Variants in NR3C2 observed in about 807,000 individuals in gnomAD.
NR3C2 encodes nuclear receptor subfamily 3 group C member 2.
NR3C2 carries 15 observed loss-of-function variants against 86.4 expected under a neutral mutation model. The ratio of observed to expected loss-of-function variants is 0.17; its 90% CI spans 0.12 to 0.27. NR3C2 has a LOEUF of 0.27. Among genes scored for constraint, NR3C2 ranks in the 10% least tolerant of loss-of-function variants. NR3C2 has a pLI of 1.00. For synonymous variants in NR3C2, 458 were observed against 450.5 expected (o/e 1.02, Z -0.21); for missense variants, 960 against 1,195.6 (o/e 0.80, Z 2.91).
intron 4 of NR3C2, among the ~76,000 whole-genome samples, chr4:148,159,541 A>G (rs1318162721): frequency 2.0e-5 from 3 of 152,206 alleles, no homozygotes; most frequent in Non-Finnish European, 4.4e-5. Context: ...TTCATTTTTC[A>G]GGTGAAAAAA....
intron 2 of NR3C2, among the ~76,000 whole-genome samples, chr4:148,386,488 G>A (rs1038552165): frequency 1.3e-5 from 2 of 152,298 alleles, no homozygotes; most frequent in South Asian, 2.1e-4. Flanking sequence ...GCTGGATTTG[G>A]AGTCAAACCG....
chr4:148,285,996 CAATT>C (rs1258936653), intron 2 of NR3C2, among the ~76,000 whole-genome samples: 1 of 152,102 alleles, frequency 6.6e-6, no homozygotes. Flanking sequence ...TTTAAAAAGA[CAATT>C]AAAAACAAAT....
At chr4:148,155,976 A>T (rs2149769317) in intron 4 of NR3C2, among the ~76,000 whole-genome samples, 1 of 152,298 alleles carries the variant, frequency 6.6e-6, no homozygotes, top group African/African-American at 2.4e-5. Context: ...CAACTATCTG[A>T]TCTTTGACAA....
At chr4:148,412,765 C>T (rs1560718807) in intron 2 of NR3C2, among the ~76,000 whole-genome samples, 1 of 152,126 alleles carries the variant, frequency 6.6e-6, no homozygotes, top group East Asian at 1.9e-4. Context: ...CCCTCTCTGA[C>T]CCAGACCACA....
At chr4:148,205,597 T>C (rs1736963602) in intron 3 of NR3C2, among the ~76,000 whole-genome samples, 1 of 152,220 alleles carries the variant, frequency 6.6e-6, no homozygotes, top group African/African-American at 2.4e-5. Flanking sequence ...GGGTGGCTAT[T>C]ACATGCCAGT....
intron 4 of NR3C2, among the ~76,000 whole-genome samples, chr4:148,155,328 T>C (rs985748438): frequency 2.6e-5 from 4 of 152,234 alleles, no homozygotes; most frequent in South Asian, 4.1e-4. Flanking sequence ...AAATTGTCCC[T>C]GTTTGCAGAC....
chr4:148,270,325 G>A (rs1340326657), intron 2 of NR3C2, among the ~76,000 whole-genome samples: 1 of 152,108 alleles, frequency 6.6e-6, no homozygotes, highest in East Asian at 1.9e-4. Context: ...CAAGAACACA[G>A]ACACTGTTCC....
At chr4:148,410,583 A>C (rs1412488916) in intron 2 of NR3C2, among the ~76,000 whole-genome samples, 1 of 152,206 alleles carries the variant, frequency 6.6e-6, no homozygotes, top group East Asian at 1.9e-4. Flanking sequence ...TACAGAAATA[A>C]AATTAAAATA....
At chr4:148,296,044 C>CAAAAAAAAAAAAAAAAAAA (rs529710200) in intron 2 of NR3C2, among the ~76,000 whole-genome samples, 2 of 73,962 alleles carry the variant, frequency 2.7e-5, no homozygotes, top group African/African-American at 5.4e-5. Context: ...GAGCTGAGGC[C>CAAAAAAAAAAAAAAAAAAA]AAAAAAAAAA....
At chr4:148,426,737 A>G (rs1749552529) in intron 2 of NR3C2, among the ~76,000 whole-genome samples, 1 of 152,152 alleles carries the variant, frequency 6.6e-6, no homozygotes, top group African/African-American at 2.4e-5. Context: ...TACTTTTAAC[A>G]GCAAAAACCA....
intron 8 of NR3C2, among the ~76,000 whole-genome samples, chr4:148,101,153 G>A (rs967570872): frequency 6.6e-6 from 1 of 152,138 alleles, no homozygotes; most frequent in African/African-American, 2.4e-5. Context: ...TACATTTTAT[G>A]CTTGTGTATT....
At chr4:148,171,490 G>T (rs1371378362) in intron 4 of NR3C2, among the ~76,000 whole-genome samples, 1 of 152,208 alleles carries the variant, frequency 6.6e-6, no homozygotes, top group Non-Finnish European at 1.5e-5. Context: ...CGATGGGGAG[G>T]ATGGTTTTGG....
chr4:148,415,491 T>G (rs150747417), intron 2 of NR3C2, among the ~76,000 whole-genome samples: 1 of 152,282 alleles, frequency 6.6e-6, no homozygotes, highest in African/African-American at 2.4e-5. Flanking sequence ...TCTCAAGTGG[T>G]TTTAATAGAT....
At chr4:148,184,350 T>G (rs1735788188) in intron 4 of NR3C2, among the ~76,000 whole-genome samples, 1 of 150,000 alleles carries the variant, frequency 6.7e-6, no homozygotes, top group Admixed American at 6.6e-5. Context: ...TCTCAGCTAC[T>G]CGGGAGGCTG....
intron 3 of NR3C2, among the ~76,000 whole-genome samples, chr4:148,256,281 T>A (rs939429197): frequency 3.9e-5 from 6 of 152,030 alleles, no homozygotes; most frequent in African/African-American, 1.5e-4. Context: ...CAAAATAACA[T>A]TACAGGAATA....
intron 2 of NR3C2, among the ~76,000 whole-genome samples, chr4:148,327,261 C>A (rs1261102574): frequency 1.3e-5 from 2 of 152,090 alleles, no homozygotes; most frequent in African/African-American, 4.8e-5. Context: ...AAAAAAGAAA[C>A]CTATATTATG....
intron 8 of NR3C2, among the ~76,000 whole-genome samples, chr4:148,096,855 G>A (rs1179972878): frequency 1.3e-5 from 2 of 152,190 alleles, no homozygotes; most frequent in Admixed American, 6.5e-5. Context: ...GGCCCACAGA[G>A]CCTAAACTAG....
intron 2 of NR3C2, among the ~76,000 whole-genome samples, chr4:148,340,580 G>A (rs547774204): frequency 9.9e-5 from 15 of 152,228 alleles, no homozygotes; most frequent in African/African-American, 3.6e-4. Context: ...CCTAGACAAA[G>A]ATTTGTTGGG....
chr4:148,364,366 T>A (rs890514522), intron 2 of NR3C2, among the ~76,000 whole-genome samples: 1 of 152,178 alleles, frequency 6.6e-6, no homozygotes, highest in African/African-American at 2.4e-5. Flanking sequence ...AATTGGAGAT[T>A]ACAGGAATCA....
Sources: gnomAD v4.1 joint callset for allele counts (sites outside exome capture counted in the v4.1 genomes callset) on GRCh38, gnomAD v4.1.1 for gene constraint, MANE v1.5 for transcripts, NCBI Gene and HGNC (gene_info 2026-07-23, HGNC 2026-07-21) for gene names.